The following FYB2 variants were observed in gnomAD, a reference collection of about 807,000 sequenced individuals.
The protein encoded by FYB2 is FYN binding protein 2.
Under a neutral mutation model 94.1 loss-of-function variants are expected in FYB2, and 103 were observed. The ratio of observed to expected loss-of-function variants is 1.09; its 90% CI spans 0.93 to 1.29. The LOEUF is 1.29. Among genes scored for constraint, FYB2 ranks in the 50% most tolerant of loss-of-function variants. The pLI is 0.00. For synonymous variants in FYB2, 293 were observed against 287.9 expected (o/e 1.02, Z -0.18); for missense variants, 896 against 841.5 (o/e 1.06, Z -0.80).
chr1:56,728,438 G>A (rs1323496475), intron 15 of FYB2, among the ~76,000 whole-genome samples: 1 of 152,072 alleles, frequency 6.6e-6, no homozygotes, highest in Non-Finnish European at 1.5e-5. Flanking sequence ...GAAAGCCACA[G>A]TCCCTACCTC....
chr1:56,808,323 T>C (rs1309941702), intron 1 of FYB2, among the ~76,000 whole-genome samples: 3 of 152,174 alleles, frequency 2.0e-5, no homozygotes, highest in Non-Finnish European at 4.4e-5. Flanking sequence ...CCTCAATTCT[T>C]GGCTGCAAGC....
intron 1 of FYB2, among the ~76,000 whole-genome samples, chr1:56,818,183 G>T (rs1234005564): frequency 6.6e-6 from 1 of 152,024 alleles, no homozygotes; most frequent in Non-Finnish European, 1.5e-5. Flanking sequence ...TGGTCGAGGT[G>T]GGGGTGGCGG....
At chr1:56,763,469 A>G (rs1170727237) in intron 5 of FYB2, among the ~76,000 whole-genome samples, 1 of 152,130 alleles carries the variant, frequency 6.6e-6, no homozygotes, top group African/African-American at 2.4e-5. Context: ...ATTTTGAGTG[A>G]GTTGTGGTAA....
intron 15 of FYB2, 79 bp from the exon 16 acceptor site, chr1:56,726,662 TTA>T: frequency 8.5e-7 from 1 of 1,173,092 alleles, no homozygotes; most frequent in South Asian, 1.5e-5. Flanking sequence ...TCATGGGCAA[TTA>T]TGTTTTACAA....
intron 4 of FYB2, among the ~76,000 whole-genome samples, chr1:56,781,476 C>T (rs915742618): frequency 3.3e-5 from 5 of 152,190 alleles, no homozygotes; most frequent in Admixed American, 1.3e-4. Context: ...CTCTGTGACT[C>T]AGTGTCCTCA....
At chr1:56,739,333 T>G (rs1225844529) in intron 13 of FYB2, among the ~76,000 whole-genome samples, 1 of 152,032 alleles carries the variant, frequency 6.6e-6, no homozygotes, top group Non-Finnish European at 1.5e-5. Flanking sequence ...GGGTCTGCCT[T>G]TGTGCATAGG....
intron 4 of FYB2, among the ~76,000 whole-genome samples, chr1:56,771,521 G>C (rs1445229596): frequency 6.6e-6 from 1 of 152,138 alleles, no homozygotes; most frequent in Non-Finnish European, 1.5e-5. Flanking sequence ...TGGAATTATG[G>C]AGTAAATTCA....
chr1:56,816,559 T>C (rs983900223), intron 1 of FYB2, among the ~76,000 whole-genome samples: 3 of 152,218 alleles, frequency 2.0e-5, no homozygotes, highest in African/African-American at 7.2e-5. Flanking sequence ...GCACCACCTC[T>C]TCATGGGAAG....
At chr1:56,787,108 T>C in intron 4 of FYB2, 67 bp downstream of exon 4, 1 of 1,552,000 alleles carries the variant, frequency 6.4e-7, no homozygotes, top group Non-Finnish European at 8.9e-7. Context: ...AATTGCCTGC[T>C]CTGGAGCAGT....
intron 5 of FYB2, among the ~76,000 whole-genome samples, chr1:56,764,824 T>C (rs1645583645): frequency 6.6e-6 from 1 of 152,174 alleles, no homozygotes; most frequent in African/African-American, 2.4e-5. Flanking sequence ...AGGCTGGAAG[T>C]TCCAAGATCA....
At position 56,789,031 on chromosome 1, in the gene FYB2, G is replaced by T; in HGVS notation, c.861C>A (p.Ile287=). The change falls in exon 3 of 20, where the codon ATC becomes ATA. Residue 287 remains isoleucine, a synonymous_variant. Transcript: ENST00000343433. ...GCCTCTGAAAGGCCTGGAGGTTCAC[G>T]ATGGGAGGTCTTGAAGGCTTTGGGG... ...PPPPKPSRPP[I]VNLQAFQRQP... The T allele has an allele frequency of 6.2e-7, 1 of 1,614,102 alleles. No homozygotes were observed. The highest frequency in any genetic ancestry group is 8.5e-7 in the Non-Finnish European group (1 of 1,179,972).
intron 1 of FYB2, among the ~76,000 whole-genome samples, chr1:56,796,128 C>A (rs560372282): frequency 6.6e-6 from 1 of 152,296 alleles, no homozygotes; most frequent in Non-Finnish European, 1.5e-5. Context: ...AAAGTAATTT[C>A]TTCTCTCTAG....
intron 1 of FYB2, among the ~76,000 whole-genome samples, chr1:56,817,657 T>G (rs1646914164): frequency 6.6e-6 from 1 of 152,048 alleles, no homozygotes; most frequent in Non-Finnish European, 1.5e-5. Context: ...ATGAATATTT[T>G]GTTAATTTTA....
At chr1:56,787,258 T>C (rs1339245980) in intron 3 of FYB2, 50 bp from the exon 4 acceptor site, 1 of 1,600,562 alleles carries the variant, frequency 6.2e-7, no homozygotes, top group Non-Finnish European at 8.6e-7. Context: ...AGCAGCCTGG[T>C]TAAAGTGAAT....
intron 4 of FYB2, among the ~76,000 whole-genome samples, chr1:56,772,232 A>T (rs559243127): frequency 4.9e-4 from 75 of 152,272 alleles, no homozygotes; most frequent in South Asian, 1.2e-3. Flanking sequence ...AAAGATGTCT[A>T]ATCAATTTCT....
At chr1:56,752,760 C>G (rs1402193342) in intron 8 of FYB2, among the ~76,000 whole-genome samples, 3 of 152,066 alleles carry the variant, frequency 2.0e-5, no homozygotes, top group Non-Finnish European at 4.4e-5. Context: ...GGAAGTGACT[C>G]TTCGTTAGTA....
rs143125681 is a variant in FYB2 at position 56,765,911 on chromosome 1, A to G, written c.1063+1918T>C. On this transcript the variant is annotated intron_variant, in intron 5 of 19. Transcript: ENST00000343433. ...AAAAGTACATCTGTTCCATCTTCCC[A>G]GAAACAGAGGTCCACTTCACTTGAA... is the stretch of plus-strand genomic sequence containing the variant. 8.9e-4 allele frequency among the ~76,000 whole-genome samples: 136 copies of G among 152,300 alleles called. 4 individuals carry two copies. The South Asian group carries it at 0.017, about 19-fold the overall frequency.
chr1:56,758,141 A>C (rs1645402852), intron 6 of FYB2, among the ~76,000 whole-genome samples: 1 of 152,012 alleles, frequency 6.6e-6, no homozygotes, highest in Non-Finnish European at 1.5e-5. Flanking sequence ...CTCTGTTTCA[A>C]GCACTTACTA....
chr1:56,799,631 C>T (rs1646475275), intron 1 of FYB2, among the ~76,000 whole-genome samples: 1 of 152,044 alleles, frequency 6.6e-6, no homozygotes. Context: ...AATTCAGAAC[C>T]AAAGAACAAA....
Sources: allele counts gnomAD v4.1 joint callset (sites outside exome capture counted in the v4.1 genomes callset), GRCh38; gene constraint gnomAD v4.1.1; transcripts MANE v1.5; gene names NCBI Gene and HGNC (gene_info 2026-07-23, HGNC 2026-07-21).